Variants in N4BP2 observed in about 807,000 individuals in gnomAD.
N4BP2 encodes the protein NEDD4 binding protein 2, also known as NEDD4-binding protein 2.
A neutral mutation model predicts 152.8 loss-of-function variants in N4BP2; 91 were observed. The observed-to-expected ratio is 0.60, with a 90% CI of 0.50 to 0.71. The LOEUF (loss-of-function observed/expected upper bound fraction) is 0.71, where lower values mean the gene tolerates loss of function less well. N4BP2 is among the 30% of genes least tolerant of loss of function. N4BP2 has a pLI of 0.00. For synonymous variants in N4BP2, 646 were observed against 705.3 expected, an observed-to-expected ratio of 0.92 and a Z score of 1.33; for missense variants, 1,923 against 2,059.1, an observed-to-expected ratio of 0.93 and a Z score of 1.28.
At position 40,117,943 on chromosome 4, in the gene N4BP2, C is replaced by T. The variant is rs1295650097; in HGVS notation, c.1739C>T (p.Pro580Leu). Residue 580 changes from proline to leucine, a missense_variant, in exon 8 of 18, where the codon CCA becomes CTA. By Grantham distance (98) the Pro-to-Leu change is moderately conservative (BLOSUM62 -3). Coordinates refer to ENST00000261435, the MANE Select transcript of N4BP2 (RefSeq NM_018177.6). ...LEHYQRFVSV[P>L]IIMSSSVPEK... ...CATTATCAACGTTTTGTTTCAGTGC[C>T]AATAATTATGAGTTCTTCGGTTCCA... The T allele has an allele frequency of 4.3e-6, 7 of 1,612,088 alleles. No homozygotes were observed. The highest frequency in any genetic ancestry group is 5.1e-6 in the Non-Finnish European group (6 of 1,179,106).
rs983441113 is a variant in N4BP2, at chr4:40,056,939, C to T, written c.-303C>T. ...CGCGGCGCGGGAGAGCGCAGTGGCG[C>T]CGGCGGGAAAGGGCTGCGGACCTGC... On this transcript the variant is annotated 5_prime_UTR_variant, in exon 1 of 18. Transcript: ENST00000261435. The T allele has an allele frequency of 6.6e-6, 1 of 152,102 alleles. No homozygotes were observed. The highest frequency in any genetic ancestry group is 2.4e-5 in the African/African-American group (1 of 41,436). 9.4% of individuals were successfully genotyped at this position (152,102 alleles called of 1,614,324 possible).
At chr4:40,160,481 C>T (rs1409763962), downstream of N4BP2, among the ~76,000 whole-genome samples, 1 of 152,172 alleles carries the variant, frequency 6.6e-6, no homozygotes, top group African/African-American at 2.4e-5. Flanking sequence ...GCTGCAGCTC[C>T]TAGTCAGCCA....
At position 40,107,926 on chromosome 4, in the gene N4BP2, CTT is replaced by C. The variant is rs11290025; in HGVS notation, c.1498+916_1498+917del. On this transcript the variant is annotated intron_variant, in intron 5 of 17. Coordinates refer to ENST00000261435, the MANE Select transcript of N4BP2 (RefSeq NM_018177.6). Reference sequence around the variant, plus strand: ...GAAATTGCAGTTGTTTCCTATGTATCTTTTTTTTTTTTTTTGACACAGTATCT... The same window carrying C: ...GAAATTGCAGTTGTTTCCTATGTATCTTTTTTTTTTTTTGACACAGTATCT... Among the ~76,000 whole-genome samples the C allele has an allele frequency of 4.0e-3, 573 of 143,910 alleles. 1 individual carries two copies. The highest frequency in any genetic ancestry group is 6.1e-3 in the African/African-American group (240 of 39,090). 94.4% of individuals were successfully genotyped at this position (143,910 alleles called of 152,430 possible).
chr4:40,092,544 T>G (rs186135337), intron 2 of N4BP2, among the ~76,000 whole-genome samples: 2 of 152,264 alleles, frequency 1.3e-5, no homozygotes, highest in East Asian at 3.9e-4. Flanking sequence ...CTTGCTAGTC[T>G]TTCAGTTTTA....
chr4:40,143,748 T>C (rs1340994964), intron 15 of N4BP2, among the ~76,000 whole-genome samples: 1 of 152,138 alleles, frequency 6.6e-6, no homozygotes, highest in Non-Finnish European at 1.5e-5. Flanking sequence ...CTACAAAATG[T>C]TGAAGGTGAA....
intron 5 of N4BP2, among the ~76,000 whole-genome samples, chr4:40,110,071 A>T (rs1716723791): frequency 6.6e-6 from 1 of 152,188 alleles, no homozygotes. Flanking sequence ...GACATTTCCT[A>T]CAACATGTGG....
rs556268991 is a variant in N4BP2, at chr4:40,148,305, G to A, written c.5143+3505G>A. 4.6e-3 allele frequency among the ~76,000 whole-genome samples: 708 copies of A among 152,362 alleles called. 11 individuals are homozygous for A. Among genetic ancestry groups the A allele is most frequent in the African/African-American group, 0.016 (685 of 41,592 alleles). ...CTCCACCAAAAAAATAAGAAAACCA[G>A]TCACGCATGGCGGCGCGCGCCTGCA... On this transcript the variant is annotated intron_variant, in intron 16 of 17. Coordinates refer to ENST00000261435, the MANE Select transcript of N4BP2 (RefSeq NM_018177.6).
At chr4:40,151,139 C>T (rs951125028) in intron 16 of N4BP2, among the ~76,000 whole-genome samples, 13 of 152,180 alleles carry the variant, frequency 8.5e-5, no homozygotes, top group Admixed American at 8.5e-4. Context: ...TGTGAATCAA[C>T]TAGAGAATAT....
At chr4:40,129,970 A>T (rs2110012509) in intron 12 of N4BP2, among the ~76,000 whole-genome samples, 1 of 152,316 alleles carries the variant, frequency 6.6e-6, no homozygotes, top group Non-Finnish European at 1.5e-5. Context: ...GACCCGATAG[A>T]TTGGTAGAAA....
chr4:40,190,171 T>C, the N4BP2 span, among the ~76,000 whole-genome samples: 2 of 152,248 alleles, frequency 1.3e-5, no homozygotes, highest in African/African-American at 4.8e-5. Context: ...AATACGTAGA[T>C]ATAAACTCAG....
At chr4:40,067,348 C>T (rs1578942093) in intron 1 of N4BP2, among the ~76,000 whole-genome samples, 1 of 96,482 alleles carries the variant, frequency 1.0e-5, no homozygotes, top group South Asian at 4.7e-4. Context: ...GCTACTGTGC[C>T]TGGCCTCCTT....
chr4:40,110,064 A>G (rs1716722635), intron 5 of N4BP2, among the ~76,000 whole-genome samples: 1 of 152,218 alleles, frequency 6.6e-6, no homozygotes, highest in African/African-American at 2.4e-5. Flanking sequence ...TATTCCAGAC[A>G]TTTCCTACAA....
In N4BP2 at chr4:40,157,609, T is replaced by C. The variant is rs977050477; in HGVS notation, c.*3372T>C. 1 of 152,114 alleles carries C rather than the reference T, an allele frequency of 6.6e-6. No homozygotes were observed. The highest frequency in any genetic ancestry group is 1.9e-4 in the East Asian group (1 of 5,204). The allele number at this position is 152,114 out of a possible 1,614,324, so 9.4% of individuals were successfully genotyped here. A position where few individuals can be genotyped will look rare whatever the true frequency, so the allele number is the denominator to read the frequency against. ...ATGTATAAAAAAGACAAAAATAACG[T>C]GTGCTGTTTTTTCCAAGTGCTTTTT... On this transcript the variant is annotated 3_prime_UTR_variant, in exon 18 of 18. Transcript: ENST00000261435.
rs1222722294 is a variant in N4BP2 at position 40,120,241 on chromosome 4, G to A, written c.2130G>A (p.Gly710=). Residue 710 remains glycine, a synonymous_variant, in exon 9 of 18, where the codon GGG becomes GGA. Transcript: ENST00000261435. The part of the protein sequence containing the change: ...NEQIEMVAVK[G]YSKTDTDSSM... Reference sequence around the variant, plus strand: ...AAATAGAAATGGTGGCTGTAAAAGGGTATAGTAAAACTGACACAGATAGTT... The same window carrying A: ...AAATAGAAATGGTGGCTGTAAAAGGATATAGTAAAACTGACACAGATAGTT... 1 of 1,613,830 alleles carries A rather than the reference G, an allele frequency of 6.2e-7. No homozygotes were observed. Among genetic ancestry groups the A allele is most frequent in the Admixed American group, 1.7e-5 (1 of 60,016 alleles).
At chr4:40,080,197 C>T (rs143484346) in intron 2 of N4BP2, among the ~76,000 whole-genome samples, 27 of 151,746 alleles carry the variant, frequency 1.8e-4, no homozygotes, top group South Asian at 4.2e-4. Flanking sequence ...AAGGAAGATA[C>T]GTAAGATTAG....
chr4:40,097,503 TC>T lies in N4BP2; in HGVS notation c.164del (p.Ser55Ter). On this transcript the variant is annotated frameshift_variant, in exon 3 of 18. Transcript: ENST00000261435. LOFTEE classifies it high-confidence loss of function. Reference sequence around the variant, plus strand: ...TCAGGAAGAACTCTTCACCAGTATCTCAGAGATATTTTCTGATCTGGATCCT... The same window carrying T: ...TCAGGAAGAACTCTTCACCAGTATCTAGAGATATTTTCTGATCTGGATCCT... Reference protein sequence around the residue: ...VDQEELFTSISEIFSDLDPDV... With the variant: ...VDQEELFTSIXEIFSDLDPDV... 7 of 1,614,016 alleles carry T rather than the reference TC, an allele frequency of 4.3e-6. No individual in the cohort carries two copies. The highest frequency in any genetic ancestry group is 5.9e-6 in the Non-Finnish European group (7 of 1,179,912).
intron 11 of N4BP2, among the ~76,000 whole-genome samples, chr4:40,125,173 C>T (rs1383246723): frequency 6.6e-6 from 1 of 152,158 alleles, no homozygotes; most frequent in Non-Finnish European, 1.5e-5. Flanking sequence ...GCCTCAAGAG[C>T]TACAGCTGAT....
chr4:40,107,028 A>G lies in N4BP2; in HGVS notation c.1498+4A>G, dbSNP rs1284084779. 3 of 1,612,256 alleles carry G rather than the reference A, an allele frequency of 1.9e-6. No individual in the cohort carries two copies. The highest frequency in any genetic ancestry group is 2.5e-6 in the Non-Finnish European group (3 of 1,179,322). On this transcript the variant is annotated splice_donor_region_variant and intron_variant, in intron 5 of 17. Coordinates refer to ENST00000261435, the MANE Select transcript of N4BP2 (RefSeq NM_018177.6). ...CATGAATGGAACCAGAATCGTGGTA[A>G]GAACAGATAATCAGATTCTGGGTAA...
rs1358969797 is a variant in N4BP2 at position 40,112,281 on chromosome 4, A to G, written c.1587+109A>G. The G allele has an allele frequency of 7.3e-6, 5 of 685,190 alleles. No individual in the cohort carries two copies. The East Asian group carries it at 1.2e-4, about 16-fold the overall frequency. 42.4% of individuals were successfully genotyped at this position (685,190 alleles called of 1,614,324 possible). On this transcript the variant is annotated intron_variant, in intron 6 of 17. Transcript: ENST00000261435. ...ACTTAAGAATCTCAGAACCTTGGAT[A>G]GTCTGTAAATGAGCTTTCATTGGTG... is the stretch of plus-strand genomic sequence containing the variant.
Sources: gnomAD v4.1 joint callset for allele counts (sites outside exome capture counted in the v4.1 genomes callset) on GRCh38, gnomAD v4.1.1 for gene constraint, MANE v1.5 for transcripts, NCBI Gene and HGNC (gene_info 2026-07-23, HGNC 2026-07-21) for gene names.